NF1: variants seen among roughly 807,000 people sequenced by gnomAD.
NF1 encodes neurofibromin 1, also known as neurofibromin.
NF1 carries 122 observed loss-of-function variants against 325.7 expected under a neutral mutation model. That is an observed-to-expected ratio of 0.37 (90% CI 0.32 to 0.44). The LOEUF (loss-of-function observed/expected upper bound fraction) is 0.44, where lower values mean the gene tolerates loss of function less well. NF1 is among the 20% of genes least tolerant of loss of function. The pLI is 1.00. For synonymous variants in NF1, 1,091 were observed against 1,186.0 expected (o/e 0.92, Z 1.65); for missense variants, 2,140 against 3,415.4 (o/e 0.63, Z 9.31).
In NF1 at chr17:31,260,411, A is replaced by G. The variant is rs2067663618; in HGVS notation, c.4473A>G (p.Ala1491=). 6.2e-7 allele frequency: 1 copy of G among 1,614,020 alleles called. No homozygotes were observed. The highest frequency in any genetic ancestry group is 1.1e-5 in the South Asian group (1 of 91,092). Residue 1491 remains alanine, a synonymous_variant, in exon 34 of 58, where the codon GCA becomes GCG. Transcript: ENST00000358273. ...DIASDCPTSD[A]VNHSLSFISD... ...CATCTGATTGTCCTACAAGTGATGCAGTAAATCATAGTCTTTCCTTCATAA... is the reference window on the plus strand; with the variant it reads ...CATCTGATTGTCCTACAAGTGATGCGGTAAATCATAGTCTTTCCTTCATAA...
At chr17:31,117,108 A>T (rs919645012) in intron 1 of NF1, among the ~76,000 whole-genome samples, 1 of 151,840 alleles carries the variant, frequency 6.6e-6, no homozygotes, top group African/African-American at 2.4e-5. Context: ...CAGCCTTTGG[A>T]GTAGCTGGTA....
At chr17:31,341,127 A>C (rs1177479153) in intron 47 of NF1, among the ~76,000 whole-genome samples, 1 of 152,224 alleles carries the variant, frequency 6.6e-6, no homozygotes, top group African/African-American at 2.4e-5. Context: ...CTTAATGAAA[A>C]ATACGTATAA....
rs769223408 is a variant in NF1, at chr17:31,336,619, T to C, written c.6148-16T>C. ...ATGTTTTTTTTTTTAAAAAAAAAAA[T>C]CCTGCTTCTTTACAGGTTATTGGAA... On this transcript the variant is annotated splice_polypyrimidine_tract_variant and intron_variant, in intron 41 of 57. Transcript: ENST00000358273. This position sits in a 1 kb window ranked among gnomAD's most constrained non-coding sequence, Gnocchi z 5.5. 1.1e-5 allele frequency: 16 copies of C among 1,521,760 alleles called. No homozygotes were observed. In the South Asian group the frequency reaches 1.2e-4, roughly 11 times the overall value. The allele number at this position is 1,521,760 out of a possible 1,614,324, so 94.3% of individuals were successfully genotyped here. A position where few individuals can be genotyped will look rare whatever the true frequency, so the allele number is the denominator to read the frequency against.
intron 24 of NF1, 30 bp from the exon 25 acceptor site, chr17:31,232,043 A>ATTTTTTTTTTT: frequency 1.7e-6 from 1 of 589,642 alleles, no homozygotes; most frequent in Non-Finnish European, 2.5e-6. Flanking sequence ...TGGTCTCTAA[A>ATTTTTTTTTTT]TTTTTTTTTT....
intron 4 of NF1, among the ~76,000 whole-genome samples, chr17:31,164,359 AG>A (rs1458064322): frequency 6.6e-6 from 1 of 152,244 alleles, no homozygotes; most frequent in Non-Finnish European, 1.5e-5. Flanking sequence ...TAGTATAGGT[AG>A]TGCTCTATGG....
intron 35 of NF1, among the ~76,000 whole-genome samples, chr17:31,263,741 C>T (rs1174298065): frequency 6.6e-6 from 1 of 151,452 alleles, no homozygotes; most frequent in African/African-American, 2.4e-5. Context: ...TAAATTCCCA[C>T]TGATGCTCTT....
intron 1 of NF1, among the ~76,000 whole-genome samples, chr17:31,133,853 C>T (rs540107195): frequency 2.5e-4 from 38 of 152,196 alleles, no homozygotes; most frequent in Admixed American, 1.4e-3. Context: ...GATGGGGTTT[C>T]GCCATGTTGG....
chr17:31,331,968 A>T (rs999385275), intron 39 of NF1: 1 of 146,650 alleles, frequency 6.8e-6, no homozygotes, highest in Admixed American at 6.9e-5. Context: ...GAACCATTTT[A>T]AAAAGAAGAG....
At chr17:31,194,967 A>G (rs1307923910) in intron 8 of NF1, among the ~76,000 whole-genome samples, 1 of 152,156 alleles carries the variant, frequency 6.6e-6, no homozygotes, top group Non-Finnish European at 1.5e-5. Flanking sequence ...AATTATTCGA[A>G]CAGTTATTTG....
rs2069799825 is a variant in NF1 at position 31,340,778 on chromosome 17, G to A, written c.7062+133G>A. The A allele has an allele frequency of 4.5e-6, 4 of 886,446 alleles. No homozygotes were observed. The Admixed American group carries it at 9.0e-5, about 20-fold the overall frequency. The allele number at this position is 886,446 out of a possible 1,614,324, so 54.9% of individuals were successfully genotyped here. Reference sequence around the variant, plus strand: ...GAATTTGTATAATGTAACTTATTGTGAGTATATTTCCTTACCAGCTCATAA... The same window carrying A: ...GAATTTGTATAATGTAACTTATTGTAAGTATATTTCCTTACCAGCTCATAA... On this transcript the variant is annotated intron_variant, in intron 47 of 57. Coordinates refer to ENST00000358273, the MANE Select transcript of NF1 (RefSeq NM_001042492.3).
rs2067028966 is a variant in NF1 at position 31,227,161 on chromosome 17, C to T, written c.2252-57C>T. The T allele has an allele frequency of 3.8e-6, 6 of 1,560,838 alleles. No homozygotes were observed. In the South Asian group the frequency reaches 5.6e-5, roughly 14 times the overall value. On this transcript the variant is annotated intron_variant, in intron 18 of 57. Transcript: ENST00000358273. ...TTTTGGGTGGAGCTTATCAGGTTCT[C>T]CATTGGCAGGCAGGGCTCTAAGTGC...
intron 29 of NF1, among the ~76,000 whole-genome samples, chr17:31,240,990 G>A (rs2067286390): frequency 6.6e-6 from 1 of 152,080 alleles, no homozygotes; most frequent in African/African-American, 2.4e-5. Context: ...TGATTCTCCT[G>A]CCACAGCCTC....
At chr17:31,143,853 G>A (rs1439947221) in intron 1 of NF1, among the ~76,000 whole-genome samples, 4 of 151,444 alleles carry the variant, frequency 2.6e-5, no homozygotes, top group East Asian at 2.0e-4. Flanking sequence ...ACAGAGACTC[G>A]CTCTGTTGCC....
chr17:31,211,159 C>T (rs1199280581), intron 12 of NF1, among the ~76,000 whole-genome samples: 1 of 152,162 alleles, frequency 6.6e-6, no homozygotes, highest in Non-Finnish European at 1.5e-5. Flanking sequence ...GAATTTCTTC[C>T]CAGACATGAT....
chr17:31,294,303 T>G (rs1266930718), intron 36 of NF1, among the ~76,000 whole-genome samples: 1 of 152,198 alleles, frequency 6.6e-6, no homozygotes, highest in East Asian at 1.9e-4. Flanking sequence ...TTTTCTTACA[T>G]GCAAAAAACA....
intron 1 of NF1, among the ~76,000 whole-genome samples, chr17:31,124,653 G>A (rs1914720313): frequency 7.5e-6 from 1 of 133,148 alleles, no homozygotes; most frequent in African/African-American, 2.8e-5. Context: ...AGGCTGGAGT[G>A]CAGTGGTGCG....
rs544048194 is a variant in NF1, at chr17:31,285,692, A to C, written c.4835+20353A>C. Among the ~76,000 whole-genome samples the C allele has an allele frequency of 1.3e-4, 20 of 152,260 alleles. No homozygotes were observed. In the South Asian group the frequency reaches 3.3e-3, roughly 25 times the overall value. On this transcript the variant is annotated intron_variant, in intron 36 of 57. Coordinates refer to ENST00000358273, the MANE Select transcript of NF1 (RefSeq NM_001042492.3). Reference sequence around the variant, plus strand: ...ATGAAACCCCATCACCTGTACAAAAAATTAGTAGAGTGTGGTGATGAGAGC... The same window carrying C: ...ATGAAACCCCATCACCTGTACAAAACATTAGTAGAGTGTGGTGATGAGAGC...
chr17:31,356,657 G>T (rs2070278192), intron 52 of NF1, 75 bp downstream of exon 52: 1 of 1,585,358 alleles, frequency 6.3e-7, no homozygotes, highest in South Asian at 1.1e-5. Context: ...TTATTTTCCA[G>T]CCATTTCTTA....
intron 27 of NF1, among the ~76,000 whole-genome samples, chr17:31,233,734 T>C (rs1301840417): frequency 6.6e-6 from 1 of 152,256 alleles, no homozygotes; most frequent in Non-Finnish European, 1.5e-5. Flanking sequence ...TCATTCTTAA[T>C]ACATGCTAAA....
Sources: allele counts gnomAD v4.1 joint callset (sites outside exome capture counted in the v4.1 genomes callset), GRCh38; gene constraint gnomAD v4.1.1; non-coding constraint Gnocchi (gnomAD v3.1); transcripts MANE v1.5; gene names NCBI Gene and HGNC (gene_info 2026-07-23, HGNC 2026-07-21).